TBC1D1: variants seen among roughly 807,000 people sequenced by gnomAD.
TBC1D1 encodes the protein TBC1 domain family member 1, also known as TBC1 (tre-2/USP6, BUB2, cdc16) domain family, member 1.
TBC1D1 carries 89 observed loss-of-function variants against 125.6 expected under a neutral mutation model. The ratio of observed to expected loss-of-function variants is 0.71; its 90% CI spans 0.60 to 0.85. The LOEUF (loss-of-function observed/expected upper bound fraction) is 0.85. TBC1D1 is among the 40% of genes least tolerant of loss of function. The pLI is 0.00. For synonymous variants in TBC1D1, 565 were observed against 564.1 expected (o/e 1.00, Z -0.02); for missense variants, 1,377 against 1,469.2 (o/e 0.94, Z 1.03).
At chr4:37,967,494 CA>C (rs1280950326) in intron 2 of TBC1D1, among the ~76,000 whole-genome samples, 1,003 of 89,790 alleles carry the variant, frequency 0.011, 7 homozygotes, top group African/African-American at 0.033. Context: ...GACTCTGTCT[CA>C]AAAAAAAAAA....
chr4:37,901,367 G>A (rs1715958110), intron 1 of TBC1D1, among the ~76,000 whole-genome samples: 1 of 152,020 alleles, frequency 6.6e-6, no homozygotes, highest in African/African-American at 2.4e-5. Flanking sequence ...ATGTTGGCCA[G>A]GCTGGTCTCA....
intron 12 of TBC1D1, among the ~76,000 whole-genome samples, chr4:38,089,133 G>C (rs1303536153): frequency 6.6e-6 from 1 of 152,156 alleles, no homozygotes; most frequent in Non-Finnish European, 1.5e-5. Context: ...ATGGTCTTCT[G>C]AATCAGGAAG....
intron 16 of TBC1D1, among the ~76,000 whole-genome samples, chr4:38,117,652 G>A (rs1208718541): frequency 2.0e-5 from 3 of 152,208 alleles, no homozygotes; most frequent in African/African-American, 7.2e-5. Context: ...TTAGTAAAGA[G>A]ACTGGCTTCT....
chr4:37,912,327 G>A (rs1480449284), intron 2 of TBC1D1, among the ~76,000 whole-genome samples: 1 of 152,212 alleles, frequency 6.6e-6, no homozygotes, highest in Non-Finnish European at 1.5e-5. Flanking sequence ...GGTTGGGTGA[G>A]GATTGAATGT....
At chr4:38,002,823 T>C (rs1379606936) in intron 2 of TBC1D1, among the ~76,000 whole-genome samples, 1 of 152,174 alleles carries the variant, frequency 6.6e-6, no homozygotes, top group Non-Finnish European at 1.5e-5. Flanking sequence ...CAGCTGAACA[T>C]ACCAAACCAA....
chr4:37,960,939 A>G, intron 2 of TBC1D1: 2 of 1,614,064 alleles, frequency 1.2e-6, no homozygotes, highest in Non-Finnish European at 1.7e-6. Context: ...ACCTGTGAAA[A>G]TGCCCTCTCC....
At chr4:38,068,747 G>A (rs1754174466) in intron 12 of TBC1D1, among the ~76,000 whole-genome samples, 1 of 152,202 alleles carries the variant, frequency 6.6e-6, no homozygotes, top group Admixed American at 6.5e-5. Context: ...ATTGTAAGCA[G>A]AGCTCAAGAA....
rs1006130811 is a variant in TBC1D1, at chr4:37,898,650, G to A, written c.-93-3353G>A. 5.3e-5 allele frequency among the ~76,000 whole-genome samples: 8 copies of A among 152,124 alleles called. No homozygotes were observed. The East Asian group carries it at 1.3e-3, about 26-fold the overall frequency. On this transcript the variant is annotated intron_variant, in intron 1 of 19. Transcript: ENST00000261439. ...TGACCTGTGGGAATTGGGGGTCAGG[G>A]AACCAAGAGAAATGCTGACTGTCTG...
chr4:37,927,071 A>G (rs1235658235), intron 2 of TBC1D1, among the ~76,000 whole-genome samples: 1 of 152,202 alleles, frequency 6.6e-6, no homozygotes, highest in Non-Finnish European at 1.5e-5. Flanking sequence ...TTGAGTCATG[A>G]TCACGCCACT....
chr4:38,079,844 C>A (rs1756250390), intron 12 of TBC1D1, among the ~76,000 whole-genome samples: 1 of 152,136 alleles, frequency 6.6e-6, no homozygotes, highest in Admixed American at 6.5e-5. Context: ...TTAAAAGGTA[C>A]CTTTGTTCCC....
chr4:38,030,365 G>A (rs145191688), intron 7 of TBC1D1: 32 of 152,344 alleles, frequency 2.1e-4, no homozygotes, highest in African/African-American at 7.5e-4. Context: ...TTGTTCTAGA[G>A]GTCTCTGTAA....
Position 38,037,406 on chromosome 4 carries a change from C to T in TBC1D1, c.1413+1708C>T, listed in dbSNP as rs187210535. 8.6e-5 allele frequency among the ~76,000 whole-genome samples: 13 copies of T among 151,962 alleles called. No individual in the cohort carries two copies. The East Asian group carries it at 1.8e-3, about 21-fold the overall frequency. ...TCATGAACCAGACGGCTCATGTCTT[C>T]GTCTATAAAGAAGCTGCCCTAATCC... On this transcript the variant is annotated intron_variant, in intron 8 of 19. Transcript: ENST00000261439.
chr4:38,021,930 C>T (rs1434169023), intron 6 of TBC1D1, among the ~76,000 whole-genome samples: 1 of 152,164 alleles, frequency 6.6e-6, no homozygotes, highest in African/African-American at 2.4e-5. Context: ...ACCCAGAACC[C>T]CCTTCTGCCA....
chr4:38,094,546 A>C (rs928341811), intron 13 of TBC1D1, among the ~76,000 whole-genome samples: 1 of 152,152 alleles, frequency 6.6e-6, no homozygotes, highest in African/African-American at 2.4e-5. Context: ...GGCATTTTGG[A>C]GGCCACTGAT....
At chr4:38,129,230 G>T (rs1257970451) in intron 18 of TBC1D1, among the ~76,000 whole-genome samples, 1 of 152,200 alleles carries the variant, frequency 6.6e-6, no homozygotes, top group Non-Finnish European at 1.5e-5. Flanking sequence ...TTGTAGGTTA[G>T]AAACCAGGGT....
chr4:38,055,470 A>G (rs188740979), intron 12 of TBC1D1, among the ~76,000 whole-genome samples: 110 of 152,280 alleles, frequency 7.2e-4, no homozygotes, highest in Admixed American at 2.0e-3. Context: ...TTCAAAATTC[A>G]TAGTACTGGA....
intron 2 of TBC1D1, among the ~76,000 whole-genome samples, chr4:37,992,797 CT>C (rs748889632): frequency 0.045 from 5,376 of 120,462 alleles, 191 homozygotes; most frequent in East Asian, 0.2. Context: ...CTGGCCGATT[CT>C]TTTTTTTTTT....
At chr4:38,100,329 A>G (rs1578704802) in intron 14 of TBC1D1, among the ~76,000 whole-genome samples, 1 of 152,284 alleles carries the variant, frequency 6.6e-6, no homozygotes, top group East Asian at 1.9e-4. Flanking sequence ...GCTTGTCTGT[A>G]CTTGGCCTCT....
rs1738145627 is a variant in TBC1D1 at position 37,997,820 on chromosome 4, A to T, written c.418-16689A>T. 2.6e-5 allele frequency among the ~76,000 whole-genome samples: 4 copies of T among 152,000 alleles called. No homozygotes were observed. In the South Asian group the frequency reaches 8.3e-4, roughly 32 times the overall value. On this transcript the variant is annotated intron_variant, in intron 2 of 19. Transcript: ENST00000261439. The stretch of plus-strand genomic sequence containing the variant: ...AGAGAATTTTTTGCCAGAATGCCAG[A>T]GTAGACTGAGGGTGGATGGGCGAGG...
Sources: allele counts gnomAD v4.1 joint callset (sites outside exome capture counted in the v4.1 genomes callset), GRCh38; gene constraint gnomAD v4.1.1; transcripts MANE v1.5; gene names NCBI Gene and HGNC (gene_info 2026-07-23, HGNC 2026-07-21).